Variants in ELAVL2 observed in about 807,000 individuals in gnomAD.
The protein encoded by ELAVL2 is ELAV like RNA binding protein 2.
Under a neutral mutation model 34.6 loss-of-function variants are expected in ELAVL2, and 4 were observed. That is an observed-to-expected ratio of 0.12 (90% CI 0.06 to 0.26). ELAVL2 has a LOEUF of 0.26. Ranked by LOEUF, ELAVL2 falls within the 10% of genes least tolerant of loss-of-function variation. ELAVL2 has a pLI of 1.00. For missense variants in ELAVL2, 432 were observed against 442.8 expected, an observed-to-expected ratio of 0.98 and a Z score of 0.22; for synonymous variants, 193 against 154.8, an observed-to-expected ratio of 1.25 and a Z score of -1.83.
At chr9:23,790,352 C>A (rs534200953) in intron 1 of ELAVL2, among the ~76,000 whole-genome samples, 1 of 152,298 alleles carries the variant, frequency 6.6e-6, no homozygotes, top group East Asian at 1.9e-4. Flanking sequence ...CATTATTAGA[C>A]ACCCCAATAC....
At chr9:23,819,072 G>A (rs1042712794) in intron 1 of ELAVL2, among the ~76,000 whole-genome samples, 3 of 152,206 alleles carry the variant, frequency 2.0e-5, no homozygotes, top group Non-Finnish European at 4.4e-5. Context: ...AATAGAAGTG[G>A]GGTGGCAGGA....
intron 3 of ELAVL2, among the ~76,000 whole-genome samples, chr9:23,709,382 T>A (rs2040306096): frequency 6.6e-6 from 1 of 152,050 alleles, no homozygotes; most frequent in Non-Finnish European, 1.5e-5. Context: ...GGACTCACAC[T>A]CTGGAGATCA....
chr9:23,812,643 GA>G (rs1388854816), intron 1 of ELAVL2, among the ~76,000 whole-genome samples: 2 of 150,828 alleles, frequency 1.3e-5, no homozygotes, highest in Non-Finnish European at 2.9e-5. Flanking sequence ...AAGTGCCTCT[GA>G]AAAATAAGTT....
chr9:23,715,759 G>C (rs1587599023), intron 3 of ELAVL2, among the ~76,000 whole-genome samples: 4 of 151,988 alleles, frequency 2.6e-5, no homozygotes, highest in African/African-American at 9.7e-5. Flanking sequence ...GTATGCCTAA[G>C]ACACTGTCAA....
chr9:23,721,166 G>A (rs2043608279), intron 3 of ELAVL2, among the ~76,000 whole-genome samples: 1 of 152,076 alleles, frequency 6.6e-6, no homozygotes, highest in Non-Finnish European at 1.5e-5. Flanking sequence ...TAAATCACCT[G>A]CAAATGCAAA....
intron 3 of ELAVL2, among the ~76,000 whole-genome samples, chr9:23,721,073 G>A (rs557529859): frequency 2.9e-4 from 44 of 152,330 alleles, no homozygotes; most frequent in Non-Finnish European, 5.3e-4. Flanking sequence ...CGGATGCCAA[G>A]CCCTTTTCCT....
At chr9:23,829,631 A>C (rs1039693018), upstream of ELAVL2, 8 of 152,328 alleles carry the variant, frequency 5.3e-5, no homozygotes, top group Admixed American at 5.2e-4. Flanking sequence ...CAGATATCAT[A>C]TATCTTGCTG....
chr9:23,692,409 A>G lies in ELAVL2; in HGVS notation c.*148T>C. ...TTAATTCAAATACTAGCAATAAAAA[A>G]TCTCACATATTTCTTAGGATGCTAA... On this transcript the variant is annotated 3_prime_UTR_variant, in exon 7 of 7. Transcript: ENST00000397312. The G allele has an allele frequency of 2.5e-6, 2 of 795,076 alleles. No individual in the cohort carries two copies. Among genetic ancestry groups the G allele is most frequent in the African/African-American group, 1.7e-5 (1 of 57,554 alleles). 49.3% of individuals were successfully genotyped at this position (795,076 alleles called of 1,614,324 possible).
intron 1 of ELAVL2, among the ~76,000 whole-genome samples, chr9:23,777,834 G>A (rs1350025145): frequency 2.0e-5 from 3 of 152,118 alleles, no homozygotes; most frequent in Admixed American, 2.0e-4. Flanking sequence ...ACTTTTACTT[G>A]CCAAGAATAA....
intron 3 of ELAVL2, among the ~76,000 whole-genome samples, chr9:23,717,211 G>T (rs1055854925): frequency 6.6e-6 from 1 of 152,128 alleles, no homozygotes; most frequent in African/African-American, 2.4e-5. Flanking sequence ...AAAATATAAT[G>T]ATCCTTTCCT....
intron 1 of ELAVL2, among the ~76,000 whole-genome samples, chr9:23,782,293 T>C (rs887655154): frequency 2.6e-5 from 4 of 152,170 alleles, no homozygotes; most frequent in South Asian, 2.1e-4. Flanking sequence ...GAGGCTAGCA[T>C]AGTGCTTAAC....
At chr9:23,787,192 C>CT (rs1481923358) in intron 1 of ELAVL2, among the ~76,000 whole-genome samples, 2 of 151,870 alleles carry the variant, frequency 1.3e-5, no homozygotes, top group African/African-American at 4.8e-5. Context: ...AGGCCATGCT[C>CT]TAAGCCGTTT....
At chr9:23,832,259 A>G in the ELAVL2 span, 1 of 152,324 alleles carries the variant, frequency 6.6e-6, no homozygotes, top group African/African-American at 2.4e-5. Context: ...GAAAGAATCT[A>G]CATAGCTACT....
At chr9:23,738,203 C>T (rs958678164) in intron 2 of ELAVL2, among the ~76,000 whole-genome samples, 1 of 152,202 alleles carries the variant, frequency 6.6e-6, no homozygotes, top group Non-Finnish European at 1.5e-5. Context: ...AGATCTGATA[C>T]ACAGCAAAAC....
intron 1 of ELAVL2, among the ~76,000 whole-genome samples, chr9:23,766,458 A>AG (rs1296343031): frequency 6.6e-6 from 1 of 152,128 alleles, no homozygotes. Flanking sequence ...TACCTTCAGG[A>AG]GTTCAATCTA....
chr9:23,757,174 G>A (rs2053764300), intron 2 of ELAVL2, among the ~76,000 whole-genome samples: 1 of 152,116 alleles, frequency 6.6e-6, no homozygotes, highest in Non-Finnish European at 1.5e-5. Context: ...TTCATTTGGT[G>A]TATTCGTCAG....
chr9:23,748,231 G>A (rs147130198), intron 2 of ELAVL2, among the ~76,000 whole-genome samples: 11 of 152,180 alleles, frequency 7.2e-5, no homozygotes, highest in African/African-American at 2.6e-4. Context: ...TAAAACTACA[G>A]AAGAGAATTT....
chr9:23,807,959 G>C (rs952912280), intron 1 of ELAVL2, among the ~76,000 whole-genome samples: 2 of 152,090 alleles, frequency 1.3e-5, no homozygotes, highest in Non-Finnish European at 2.9e-5. Flanking sequence ...AAATTACGTT[G>C]TCCTGCAAAG....
chr9:23,785,854 C>A lies in ELAVL2; in HGVS notation c.-15-23605G>T, dbSNP rs531858938. ...AGAGGAAGAGACACTGGGTCCCACT[C>A]AAAAATAAAGTATCTCAACTTTTTC... is the stretch of plus-strand genomic sequence containing the variant. On this transcript the variant is annotated intron_variant, in intron 1 of 6. Coordinates refer to ENST00000397312, the MANE Select transcript of ELAVL2 (RefSeq NM_004432.5). Among the ~76,000 whole-genome samples, 44 of 152,266 alleles carry A rather than the reference C, an allele frequency of 2.9e-4. No individual in the cohort carries two copies. In the South Asian group the frequency reaches 3.5e-3, roughly 12 times the overall value.
Sources: allele counts gnomAD v4.1 joint callset (sites outside exome capture counted in the v4.1 genomes callset), GRCh38; gene constraint gnomAD v4.1.1; transcripts MANE v1.5; gene names NCBI Gene and HGNC (gene_info 2026-07-23, HGNC 2026-07-21).